MACF1: variants seen among roughly 807,000 people sequenced by gnomAD.
MACF1 encodes microtubule actin crosslinking factor 1.
MACF1 carries 193 observed loss-of-function variants against 854.8 expected under a neutral mutation model. That is an observed-to-expected ratio of 0.23 (90% CI 0.20 to 0.25). The LOEUF is 0.25. MACF1 is among the 10% of genes least tolerant of loss of function. MACF1 has a pLI of 1.00. For missense variants in MACF1, 7,722 were observed against 8,929.1 expected, an observed-to-expected ratio of 0.86 and a Z score of 5.45; for synonymous variants, 3,185 against 3,226.7, an observed-to-expected ratio of 0.99 and a Z score of 0.44.
chr1:39,120,719 G>A (rs1422284940), intron 2 of MACF1, among the ~76,000 whole-genome samples: 1 of 152,242 alleles, frequency 6.6e-6, no homozygotes, highest in African/African-American at 2.4e-5. Flanking sequence ...TACATAATAG[G>A]TGTATGTATT....
chr1:39,429,796 A>C, intron 64 of MACF1, 31 bp from the exon 65 acceptor site: 1 of 1,609,612 alleles, frequency 6.2e-7, no homozygotes, highest in Non-Finnish European at 8.5e-7. Flanking sequence ...AGGTCTCTTA[A>C]ATATGAGTAA....
At chr1:39,343,764 G>T (rs2148488696) in intron 40 of MACF1, among the ~76,000 whole-genome samples, 1 of 152,304 alleles carries the variant, frequency 6.6e-6, no homozygotes, top group East Asian at 1.9e-4. Flanking sequence ...TTTGACCAAG[G>T]GGCATAAGGC....
At chr1:39,413,275 G>T in intron 58 of MACF1, 1 of 1,604,704 alleles carries the variant, frequency 6.2e-7, no homozygotes. Context: ...CGCCTCCCCA[G>T]CTGCTGCAGT....
At chr1:39,300,497 T>C in intron 22 of MACF1, 135 bp downstream of exon 22, 1 of 813,912 alleles carries the variant, frequency 1.2e-6, no homozygotes, top group Admixed American at 4.9e-5. Flanking sequence ...CTGAAGTCTC[T>C]CCTATCATTT....
Position 39,422,850 on chromosome 1 carries a change from C to G in MACF1, c.16099C>G (p.Pro5367Ala), listed in dbSNP as rs749923728. The G allele has an allele frequency of 6.2e-7, 1 of 1,614,180 alleles. No homozygotes were observed. Among genetic ancestry groups the G allele is most frequent in the Non-Finnish European group, 8.5e-7 (1 of 1,180,030 alleles). ...CGAGGAGCTCATAGCCAATCAGAAA[C>G]CTCCATCTGCTGAGTATAAAGTGGT... Reference protein sequence around the residue: ...DTEELIANQKPPSAEYKVVKA... With the variant: ...DTEELIANQKAPSAEYKVVKA... Residue 5367 changes from proline (P) to alanine (A), a missense_variant, in exon 60 of 101, where the codon CCT (proline) becomes GCT (alanine). Physicochemically the swap from Pro to Ala is conservative, Grantham distance 27 (BLOSUM62 -1). Around this residue, in one of 15 missense-constraint regions of MACF1, gnomAD observed 2,807 missense variants for 3,235.8 expected, o/e 0.87. Coordinates refer to ENST00000564288, the MANE Select transcript of MACF1 (RefSeq NM_001394062.1).
In MACF1 at chr1:39,187,956, C is replaced by T. The variant is rs541771247; in HGVS notation, c.221-43226C>T. Among the ~76,000 whole-genome samples, 691 of 105,352 alleles carry T rather than the reference C, an allele frequency of 6.6e-3. 4 individuals carry two copies. Among genetic ancestry groups the T allele is most frequent in the Non-Finnish European group, 9.6e-3 (494 of 51,236 alleles). 69.1% of individuals were successfully genotyped at this position (105,352 alleles called of 152,430 possible). A position where few individuals can be genotyped will look rare whatever the true frequency, so the allele number is the denominator to read the frequency against. On this transcript the variant is annotated intron_variant, in intron 2 of 93. Transcript: ENST00000361689. ...CCTTTCCCTTCCCTTCCCTTCCCTT[C>T]CCTCCCCTCCTCTCCCCTCCTCTCC...
rs762738213 is a variant in MACF1, at chr1:39,448,112, A to G, written c.20048A>G (p.Asn6683Ser). The G allele has an allele frequency of 6.8e-6, 11 of 1,614,178 alleles. No individual in the cohort carries two copies. The highest frequency in any genetic ancestry group is 5.1e-6 in the Non-Finnish European group (6 of 1,180,006). Residue 6683 changes from asparagine to serine, a missense_variant, in exon 83 of 101, where the codon AAT (asparagine) becomes AGT (serine). This residue lies in a region of MACF1 where 729 missense variants were observed against 900.5 expected (regional missense o/e 0.81). Transcript: ENST00000564288. Reference protein sequence around the residue: ...SHLDSELEISNDPDKIKLQLS... With the variant: ...SHLDSELEISSDPDKIKLQLS... The stretch of plus-strand genomic sequence containing the variant: ...CTGGACTCAGAACTAGAGATATCCA[A>G]TGACCCAGACAAAATTAAACTTCAG...
intron 65 of MACF1, 56 bp from the exon 66 acceptor site, chr1:39,430,646 T>G (rs1643863815): frequency 2.2e-6 from 3 of 1,378,246 alleles, no homozygotes; most frequent in Non-Finnish European, 3.1e-6. Flanking sequence ...CCCAGCACAG[T>G]TGCTGATGTG....
chr1:39,109,693 A>G (rs1342133267), intron 2 of MACF1, among the ~76,000 whole-genome samples: 1 of 152,116 alleles, frequency 6.6e-6, no homozygotes, highest in Non-Finnish European at 1.5e-5. Context: ...AATATCCTGA[A>G]GGATAGTATT....
chr1:39,336,327 G>A lies in MACF1; in HGVS notation c.9739G>A (p.Val3247Ile). 6.2e-7 allele frequency: 1 copy of A among 1,614,190 alleles called. No individual in the cohort carries two copies. The highest frequency in any genetic ancestry group is 8.5e-7 in the Non-Finnish European group (1 of 1,180,018). ...ATTTCTAGAAATGGCAAACCCTAAT[G>A]TTGCAGGTCTAGAAGCAGGATCCAT... ...EKFLEMANPN[V>I]AGLEAGSIED... Residue 3247 changes from valine to isoleucine, a missense_variant, in exon 37 of 101, where the codon GTT becomes ATT. Physicochemically the swap from Val to Ile is conservative, Grantham distance 29 (BLOSUM62 3). Coordinates refer to ENST00000564288, the MANE Select transcript of MACF1 (RefSeq NM_001394062.1).
At chr1:39,413,675 T>C (rs1368631172) in intron 58 of MACF1, 1 of 1,595,650 alleles carries the variant, frequency 6.3e-7, no homozygotes, top group East Asian at 2.3e-5. Context: ...GCTGCTGCAG[T>C]GCCCACCCCA....
Position 39,372,540 on chromosome 1 carries a change from C to T in MACF1, c.13157C>T (p.Thr4386Ile). Residue 4386 changes from threonine (T) to isoleucine (I), a missense_variant, in exon 52 of 101, where the codon ACT becomes ATT. Physicochemically the swap from Thr to Ile is moderately conservative, Grantham distance 89 (BLOSUM62 -1). This residue lies in a region of MACF1 where 2,807 missense variants were observed against 3,235.8 expected (regional missense o/e 0.87). Coordinates refer to ENST00000564288, the MANE Select transcript of MACF1 (RefSeq NM_001394062.1). ...GTGGAAGAAATCAATTGCAAAGGTA[C>T]TTCTTTAGAAAATCTCATCATGGAA... ...TLVEEINCKG[T>I]SLENLIMEIT... The T allele has an allele frequency of 6.2e-7, 1 of 1,613,834 alleles. No homozygotes were observed. Among genetic ancestry groups the T allele is most frequent in the Non-Finnish European group, 8.5e-7 (1 of 1,179,820 alleles).
At chr1:39,467,373 G>A (rs1203244562) in intron 95 of MACF1, among the ~76,000 whole-genome samples, 1 of 151,886 alleles carries the variant, frequency 6.6e-6, no homozygotes, top group African/African-American at 2.4e-5. Context: ...TCAAAAAAAA[G>A]AAAAAGAAAA....
intron 23 of MACF1, among the ~76,000 whole-genome samples, chr1:39,306,324 C>T (rs1646174687): frequency 6.6e-6 from 1 of 151,974 alleles, no homozygotes; most frequent in African/African-American, 2.4e-5. Flanking sequence ...GACGGGGTTT[C>T]ACCATGTTGG....
intron 2 of MACF1, among the ~76,000 whole-genome samples, chr1:39,120,743 A>G (rs1451342382): frequency 3.3e-5 from 5 of 152,142 alleles, no homozygotes; most frequent in African/African-American, 1.2e-4. Context: ...GAGGTACATG[A>G]GATGTTTTGA....
chr1:39,147,156 C>A (rs1643484580), intron 2 of MACF1, among the ~76,000 whole-genome samples: 1 of 148,250 alleles, frequency 6.7e-6, no homozygotes. Flanking sequence ...CCCTTTTTCC[C>A]ATTCCCCTTT....
At chr1:39,293,840 T>C (rs1222307523) in intron 18 of MACF1, among the ~76,000 whole-genome samples, 1 of 152,080 alleles carries the variant, frequency 6.6e-6, no homozygotes, top group Non-Finnish European at 1.5e-5. Flanking sequence ...AGGCAGTGTC[T>C]TGGGTGAATA....
At chr1:39,477,069 A>ATATACACACACATATATACACTTAGTG (rs1557674927) in intron 97 of MACF1, among the ~76,000 whole-genome samples, 8 of 17,468 alleles carry the variant, frequency 4.6e-4, no homozygotes, top group South Asian at 5.9e-3. Context: ...ATATATATAT[A>ATATACACACACATATATACACTTAGTG]TATATATATA....
Position 39,350,796 on chromosome 1 carries a change from T to A in MACF1, c.10977T>A (p.Asp3659Glu). ...KNQSDLKDLQDDIQNRATSFA... is the reference protein window; with the variant it reads ...KNQSDLKDLQEDIQNRATSFA... ...TTTCTTGTGTTAAGGATTTACAGGA[T>A]GACATTCAGAATCGTGCCACCTCAT... Residue 3659 changes from aspartate (D) to glutamate (E), a missense_variant, in exon 43 of 101, where the codon GAT (aspartate) becomes GAA (glutamate). This residue lies in a region of MACF1 where 2,807 missense variants were observed against 3,235.8 expected (regional missense o/e 0.87). Transcript: ENST00000564288. 6.2e-7 allele frequency: 1 copy of A among 1,613,030 alleles called. No individual in the cohort carries two copies. Among genetic ancestry groups the A allele is most frequent in the Non-Finnish European group, 8.5e-7 (1 of 1,179,084 alleles).
Sources: allele counts gnomAD v4.1 joint callset (sites outside exome capture counted in the v4.1 genomes callset), GRCh38; gene constraint gnomAD v4.1.1; regional missense constraint gnomAD v4.1.1; transcripts MANE v1.5; gene names NCBI Gene and HGNC (gene_info 2026-07-23, HGNC 2026-07-21).